The following KCND3 variants were observed in gnomAD, a reference collection of about 807,000 sequenced individuals.
KCND3 encodes A-type voltage-gated potassium channel KCND3.
In KCND3, 9 loss-of-function variants were observed where a neutral mutation model predicts 51.1. That is an observed-to-expected ratio of 0.18 (90% confidence interval 0.11 to 0.31). The LOEUF (loss-of-function observed/expected upper bound fraction) is 0.31, where lower values mean the gene tolerates loss of function less well. Among genes scored for constraint, KCND3 ranks in the 10% least tolerant of loss-of-function variants. KCND3 has a pLI of 1.00. For synonymous variants in KCND3, 349 were observed against 368.0 expected, an observed-to-expected ratio of 0.95 and a Z score of 0.59; for missense variants, 526 against 903.8, an observed-to-expected ratio of 0.58 and a Z score of 5.36.
chr1:111,953,925 C>T (rs1464157905), intron 2 of KCND3, among the ~76,000 whole-genome samples: 1 of 152,162 alleles, frequency 6.6e-6, no homozygotes, highest in Non-Finnish European at 1.5e-5. Context: ...CCTTTCCTAG[C>T]CCCAAACCCT....
At chr1:111,934,038 T>C (rs538190695) in intron 2 of KCND3, among the ~76,000 whole-genome samples, 8 of 152,300 alleles carry the variant, frequency 5.3e-5, no homozygotes, top group Admixed American at 2.0e-4. Flanking sequence ...AAGTGCTTAC[T>C]CTCTCCCTCC....
At chr1:111,930,606 C>CT (rs1329372626) in intron 2 of KCND3, among the ~76,000 whole-genome samples, 8 of 97,528 alleles carry the variant, frequency 8.2e-5, no homozygotes, top group Non-Finnish European at 1.4e-4. Flanking sequence ...AGGTGCCACC[C>CT]CCAACCCCCT....
chr1:111,905,840 G>A (rs1181142324), intron 2 of KCND3, among the ~76,000 whole-genome samples: 1 of 152,092 alleles, frequency 6.6e-6, no homozygotes, highest in Non-Finnish European at 1.5e-5. Flanking sequence ...GCCTGGGGAC[G>A]CCTGACCTTA....
At chr1:111,798,746 A>T (rs545777494) in intron 2 of KCND3, among the ~76,000 whole-genome samples, 1 of 151,206 alleles carries the variant, frequency 6.6e-6, no homozygotes, top group African/African-American at 2.4e-5. Flanking sequence ...GAATGAGTGA[A>T]TGAATTATGA....
At chr1:111,927,350 C>A (rs1379509317) in intron 2 of KCND3, among the ~76,000 whole-genome samples, 1 of 152,220 alleles carries the variant, frequency 6.6e-6, no homozygotes, top group Non-Finnish European at 1.5e-5. Context: ...GTGTTCACAC[C>A]CATAGGTGGA....
intron 2 of KCND3, among the ~76,000 whole-genome samples, chr1:111,869,857 G>A (rs1015353764): frequency 6.6e-6 from 1 of 152,118 alleles, no homozygotes; most frequent in African/African-American, 2.4e-5. Flanking sequence ...ATTCATACCT[G>A]GTAAAGTCCG....
At chr1:111,815,354 C>T (rs1351738227) in intron 2 of KCND3, among the ~76,000 whole-genome samples, 1 of 151,998 alleles carries the variant, frequency 6.6e-6, no homozygotes, top group Admixed American at 6.6e-5. Flanking sequence ...GACAGAGTCT[C>T]TCCTTGACCA....
intron 2 of KCND3, among the ~76,000 whole-genome samples, chr1:111,936,986 T>A (rs1192106992): frequency 1.3e-5 from 2 of 152,166 alleles, no homozygotes; most frequent in Non-Finnish European, 2.9e-5. Flanking sequence ...GGGAGGCCAG[T>A]TGCAAGGCTA....
chr1:111,786,797 G>T, intron 3 of KCND3, 147 bp downstream of exon 3: 1 of 892,882 alleles, frequency 1.1e-6, no homozygotes, highest in Non-Finnish European at 1.8e-6. Context: ...GGAGACTGGT[G>T]AGCAGGAAGG....
chr1:111,942,395 C>T (rs921681009), intron 2 of KCND3, among the ~76,000 whole-genome samples: 3 of 152,164 alleles, frequency 2.0e-5, no homozygotes, highest in Non-Finnish European at 2.9e-5. Flanking sequence ...CTGACTGGGG[C>T]GCTGTGCCAT....
intron 2 of KCND3, among the ~76,000 whole-genome samples, chr1:111,829,527 G>T (rs369092770): frequency 9.1e-4 from 139 of 152,276 alleles, no homozygotes; most frequent in Middle Eastern, 3.4e-3. Flanking sequence ...GGTCTTCAGG[G>T]ATGGGGGAAA....
chr1:111,859,959 TA>T, intron 2 of KCND3, among the ~76,000 whole-genome samples: 1 of 152,322 alleles, frequency 6.6e-6, no homozygotes, highest in East Asian at 1.9e-4. Context: ...CCCTGACCTT[TA>T]ACGCTTTTTG....
chr1:111,865,183 A>G (rs567807463), intron 2 of KCND3, among the ~76,000 whole-genome samples: 3 of 152,340 alleles, frequency 2.0e-5, no homozygotes, highest in Admixed American at 6.5e-5. Context: ...GTTATTGAGT[A>G]GCCACTGTAT....
intron 2 of KCND3, among the ~76,000 whole-genome samples, chr1:111,957,510 A>G (rs1240028172): frequency 6.6e-6 from 1 of 152,192 alleles, no homozygotes; most frequent in Admixed American, 6.5e-5. Context: ...GTGAAACAAA[A>G]TGACCTTTAA....
chr1:111,863,037 G>T (rs1472289908), intron 2 of KCND3, among the ~76,000 whole-genome samples: 1 of 152,208 alleles, frequency 6.6e-6, no homozygotes, highest in Non-Finnish European at 1.5e-5. Flanking sequence ...GCGGACTAAT[G>T]ATAGCAACAA....
Position 111,912,883 on chromosome 1 carries a change from G to T in KCND3, c.1106+68738C>A, listed in dbSNP as rs1051672839. On this transcript the variant is annotated intron_variant, in intron 2 of 7. Transcript: ENST00000302127. ...GTCAAAAAGTTACAAAAATTAAAAA[G>T]TTTCTAAAGTAAAAAAGTTACAGTC... 3.3e-5 allele frequency among the ~76,000 whole-genome samples: 5 copies of T among 152,104 alleles called. No homozygotes were observed. The South Asian group carries it at 1.0e-3, about 32-fold the overall frequency.
intron 2 of KCND3, among the ~76,000 whole-genome samples, chr1:111,875,442 A>G (rs1669007194): frequency 6.6e-6 from 1 of 152,200 alleles, no homozygotes; most frequent in Admixed American, 6.5e-5. Context: ...TTCCCTTAAA[A>G]TAACTAGGTT....
At chr1:111,912,072 A>G (rs1670976080) in intron 2 of KCND3, among the ~76,000 whole-genome samples, 1 of 152,260 alleles carries the variant, frequency 6.6e-6, no homozygotes, top group African/African-American at 2.4e-5. Context: ...ATTTTCACAT[A>G]CAAGGAATGA....
At chr1:111,945,019 A>T (rs918785495) in intron 2 of KCND3, among the ~76,000 whole-genome samples, 3 of 152,206 alleles carry the variant, frequency 2.0e-5, no homozygotes, top group Admixed American at 1.3e-4. Flanking sequence ...AACACATAGT[A>T]GGTCCTCAAC....
Sources: gnomAD v4.1 joint callset for allele counts (sites outside exome capture counted in the v4.1 genomes callset) on GRCh38, gnomAD v4.1.1 for gene constraint, MANE v1.5 for transcripts, NCBI Gene and HGNC (gene_info 2026-07-23, HGNC 2026-07-21) for gene names.